Variants in FNDC3B observed in about 807,000 individuals in gnomAD.
The protein encoded by FNDC3B is fibronectin type III domain-containing protein 3B.
FNDC3B carries 12 observed loss-of-function variants against 151.5 expected under a neutral mutation model. The observed-to-expected ratio is 0.08, with a 90% CI of 0.05 to 0.13. The LOEUF is 0.13. FNDC3B is among the 10% of genes least tolerant of loss of function. The pLI, the probability that FNDC3B is intolerant of heterozygous loss-of-function variation, is 1.00. For synonymous variants in FNDC3B, 528 were observed against 549.0 expected, an observed-to-expected ratio of 0.96 and a Z score of 0.54; for missense variants, 1,214 against 1,505.3, an observed-to-expected ratio of 0.81 and a Z score of 3.20.
chr3:172,191,518 A>C (rs1724505957), intron 3 of FNDC3B, among the ~76,000 whole-genome samples: 1 of 151,994 alleles, frequency 6.6e-6, no homozygotes, highest in Non-Finnish European at 1.5e-5. Flanking sequence ...TTTTTAAGAG[A>C]TGAGGTCTCA....
rs199641417 is a variant in FNDC3B at position 172,103,784 on chromosome 3, CT to C, written c.-28-8663del. On this transcript the variant is annotated intron_variant, in intron 1 of 25. Coordinates refer to ENST00000415807, the MANE Select transcript of FNDC3B (RefSeq NM_022763.4). Reference sequence around the variant, plus strand: ...GCAAGAACGTTTTTAAGGTTAAGAACTTTTTCAGACAACTGTGATTTTACTT... The same window carrying C: ...GCAAGAACGTTTTTAAGGTTAAGAACTTTTCAGACAACTGTGATTTTACTT... 3.8e-4 allele frequency among the ~76,000 whole-genome samples: 58 copies of C among 152,240 alleles called. No homozygotes were observed. The East Asian group carries it at 0.011, about 28-fold the overall frequency.
At chr3:172,186,905 T>C (rs1177787987) in intron 3 of FNDC3B, 2 of 544,312 alleles carry the variant, frequency 3.7e-6, no homozygotes, top group Non-Finnish European at 6.5e-6. Context: ...GTTTCAAAAG[T>C]AAAATTACCA....
chr3:172,133,447 G>A, intron 2 of FNDC3B, 24 bp from the exon 3 acceptor site: 2 of 1,588,526 alleles, frequency 1.3e-6, no homozygotes, highest in Non-Finnish European at 8.6e-7. Flanking sequence ...GTATTAAACT[G>A]AAATTAATGT....
intron 11 of FNDC3B, 44 bp from the exon 12 acceptor site, chr3:172,328,908 T>C: frequency 6.8e-7 from 1 of 1,467,404 alleles, no homozygotes; most frequent in Non-Finnish European, 9.2e-7. Context: ...ATCTGTTGTT[T>C]TTTTTTTTTT....
chr3:172,148,871 G>C (rs73167224), intron 3 of FNDC3B, among the ~76,000 whole-genome samples: 1 of 152,162 alleles, frequency 6.6e-6, no homozygotes, highest in Non-Finnish European at 1.5e-5. Flanking sequence ...CCTCAGAAGC[G>C]AATAGAATGC....
chr3:172,258,659 A>G (rs1728492574), intron 6 of FNDC3B, among the ~76,000 whole-genome samples: 1 of 152,178 alleles, frequency 6.6e-6, no homozygotes, highest in Non-Finnish European at 1.5e-5. Context: ...CTGGGAGGGC[A>G]TAGCAGCATC....
intron 6 of FNDC3B, among the ~76,000 whole-genome samples, chr3:172,273,858 T>A (rs1576861628): frequency 6.6e-6 from 1 of 152,186 alleles, no homozygotes; most frequent in Non-Finnish European, 1.5e-5. Flanking sequence ...TACTAGCTGG[T>A]TGGGAAGAAA....
intron 1 of FNDC3B, among the ~76,000 whole-genome samples, chr3:172,070,585 C>G (rs1717727137): frequency 6.6e-6 from 1 of 152,246 alleles, no homozygotes; most frequent in South Asian, 2.1e-4. Flanking sequence ...GACTGTGAAA[C>G]TAATGTATCT....
intron 3 of FNDC3B, among the ~76,000 whole-genome samples, chr3:172,183,733 C>G (rs981908683): frequency 4.6e-5 from 7 of 152,238 alleles, no homozygotes; most frequent in African/African-American, 1.7e-4. Context: ...AATTATTAAA[C>G]TGTAGGCGGG....
intron 23 of FNDC3B, among the ~76,000 whole-genome samples, chr3:172,377,039 T>C (rs1735184576): frequency 1.3e-5 from 2 of 152,224 alleles, no homozygotes; most frequent in South Asian, 2.1e-4. Context: ...TTAGGTCTTA[T>C]TCATCTTTCA....
chr3:172,140,885 G>GT (rs1326716216), intron 3 of FNDC3B, among the ~76,000 whole-genome samples: 2 of 152,202 alleles, frequency 1.3e-5, no homozygotes, highest in Non-Finnish European at 2.9e-5. Flanking sequence ...AGAACGGAAT[G>GT]TTAAACCCTT....
At chr3:172,227,006 T>C (rs1726622390) in intron 4 of FNDC3B, 59 bp downstream of exon 4, 1 of 1,155,208 alleles carries the variant, frequency 8.7e-7, no homozygotes, top group South Asian at 1.2e-5. Flanking sequence ...TCCAACAGAA[T>C]ATATGTTGAG....
intron 6 of FNDC3B, among the ~76,000 whole-genome samples, chr3:172,259,784 C>T (rs1421249870): frequency 6.6e-6 from 1 of 152,120 alleles, no homozygotes; most frequent in Non-Finnish European, 1.5e-5. Flanking sequence ...ATTTTTGTTG[C>T]AATCTGGAAT....
chr3:172,232,863 G>A (rs1177128399), intron 4 of FNDC3B, among the ~76,000 whole-genome samples: 3 of 152,184 alleles, frequency 2.0e-5, no homozygotes, highest in African/African-American at 7.2e-5. Flanking sequence ...CCTACTTGAC[G>A]TGGTAGAGGT....
At chr3:172,361,799 C>G (rs1734376114) in intron 22 of FNDC3B, among the ~76,000 whole-genome samples, 2 of 152,216 alleles carry the variant, frequency 1.3e-5, no homozygotes, top group South Asian at 4.1e-4. Context: ...ACCACAACCT[C>G]CCAAGTACTG....
intron 7 of FNDC3B, among the ~76,000 whole-genome samples, chr3:172,289,176 T>G (rs925536468): frequency 6.6e-6 from 1 of 152,198 alleles, no homozygotes; most frequent in Non-Finnish European, 1.5e-5. Context: ...AAAATCTGTT[T>G]TCTTGCCTTT....
At chr3:172,195,584 C>G (rs76630570) in intron 3 of FNDC3B, among the ~76,000 whole-genome samples, 1,802 of 152,326 alleles carry the variant, frequency 0.012, 23 homozygotes, top group Non-Finnish European at 0.015. Context: ...ACATTGTTTT[C>G]TCTTTTTATC....
intron 3 of FNDC3B, among the ~76,000 whole-genome samples, chr3:172,145,788 G>A (rs1435776820): frequency 6.6e-6 from 1 of 150,562 alleles, no homozygotes; most frequent in Admixed American, 6.6e-5. Context: ...GTCTTTGAGT[G>A]TAAACTTGAA....
At chr3:172,322,660 A>G (rs1271660616) in intron 11 of FNDC3B, among the ~76,000 whole-genome samples, 1 of 152,226 alleles carries the variant, frequency 6.6e-6, no homozygotes, top group South Asian at 2.1e-4. Context: ...GTTAGATATA[A>G]GGTCATATAC....
Sources: allele counts gnomAD v4.1 joint callset (sites outside exome capture counted in the v4.1 genomes callset), GRCh38; gene constraint gnomAD v4.1.1; transcripts MANE v1.5; gene names NCBI Gene and HGNC (gene_info 2026-07-23, HGNC 2026-07-21).